Variants in SRCIN1 observed in about 807,000 individuals in gnomAD.
SRCIN1 encodes the protein P130Cas-associated protein.
Under a neutral mutation model 116.2 loss-of-function variants are expected in SRCIN1, and 50 were observed. That is an observed-to-expected ratio of 0.43 (90% confidence interval 0.34 to 0.54). SRCIN1 has a LOEUF of 0.54. SRCIN1 is among the 20% of genes least tolerant of loss of function. SRCIN1 has a pLI of 0.02. For missense variants in SRCIN1, 1,446 were observed against 1,672.0 expected (o/e 0.86, Z 2.36); for synonymous variants, 736 against 750.0 (o/e 0.98, Z 0.30).
intron 17 of SRCIN1, among the ~76,000 whole-genome samples, chr17:38,546,957 C>T (rs1905112598): frequency 6.6e-6 from 1 of 152,180 alleles, no homozygotes; most frequent in African/African-American, 2.4e-5. Context: ...GAGAGAGATT[C>T]CCAGACCTTC....
At chr17:38,539,372 G>A (rs1199665318) in intron 18 of SRCIN1, among the ~76,000 whole-genome samples, 1 of 152,208 alleles carries the variant, frequency 6.6e-6, no homozygotes, top group African/African-American at 2.4e-5. Flanking sequence ...ACAGGCGTGA[G>A]CCACTGCCCC....
chr17:38,566,866 T>TTTCGTTTCCTTCC (rs1555609840), intron 3 of SRCIN1, among the ~76,000 whole-genome samples: 9 of 132,010 alleles, frequency 6.8e-5, no homozygotes, highest in African/African-American at 2.7e-4. Flanking sequence ...TTTTGTTTCG[T>TTTCGTTTCCTTCC]TTCCTTCCTT....
At chr17:38,548,515 G>T (rs752021260) in intron 17 of SRCIN1, 42 bp downstream of exon 17, 1 of 1,602,268 alleles carries the variant, frequency 6.2e-7, no homozygotes, top group South Asian at 1.1e-5. Context: ...GAGGGAAGGG[G>T]GCCTGGCTGA....
intron 18 of SRCIN1, among the ~76,000 whole-genome samples, chr17:38,533,925 G>A (rs541043155): frequency 6.6e-6 from 1 of 152,018 alleles, no homozygotes; most frequent in South Asian, 2.1e-4. Flanking sequence ...ACAGAGGAGG[G>A]GGCTTATCCT....
intron 2 of SRCIN1, among the ~76,000 whole-genome samples, chr17:38,574,369 TG>T (rs1356918608): frequency 6.6e-6 from 1 of 152,198 alleles, no homozygotes; most frequent in Non-Finnish European, 1.5e-5. Flanking sequence ...TCAGAATAGA[TG>T]GCTTGATGCC....
intron 3 of SRCIN1, among the ~76,000 whole-genome samples, 162 bp from the exon 4 acceptor site, chr17:38,564,475 G>T (rs953457994): frequency 6.6e-6 from 1 of 151,888 alleles, no homozygotes; most frequent in Non-Finnish European, 1.5e-5. Context: ...ATGGCCACAA[G>T]AGAGTTCCCC....
chr17:38,540,544 G>A (rs1320510998), intron 18 of SRCIN1, among the ~76,000 whole-genome samples: 1 of 152,198 alleles, frequency 6.6e-6, no homozygotes, highest in Non-Finnish European at 1.5e-5. Flanking sequence ...TGAGAAGACA[G>A]AGGGCTTTGA....
chr17:38,560,346 G>A lies in SRCIN1; in HGVS notation c.1780C>T (p.Pro594Ser). 6.2e-7 allele frequency: 1 copy of A among 1,610,212 alleles called. No individual in the cohort carries two copies. Among genetic ancestry groups the A allele is most frequent in the South Asian group, 1.1e-5 (1 of 89,972 alleles). ...VQSALLRGSE[P>S]ETPSEKIEGS... ...GAGGGGCCTCACCTGGGGGTCTCAG[G>A]CTCAGAGCCTCGCAGTAAGGCGCTC... The change falls in exon 8 of 19, where the codon CCT becomes TCT. Residue 594 changes from proline (P) to serine (S), a missense_variant. Coordinates refer to ENST00000617146, the MANE Select transcript of SRCIN1 (RefSeq NM_025248.3).
chr17:38,537,007 A>G (rs751764188), intron 18 of SRCIN1, among the ~76,000 whole-genome samples: 1 of 149,776 alleles, frequency 6.7e-6, no homozygotes, highest in Non-Finnish European at 1.5e-5. Context: ...TGAAACGCCA[A>G]CTCTACCAAA....
chr17:38,559,262 T>C, intron 10 of SRCIN1: 1 of 477,676 alleles, frequency 2.1e-6, no homozygotes, highest in South Asian at 2.8e-5. Context: ...CCCCGAGGGA[T>C]ACTGACGACG....
Position 38,563,073 on chromosome 17 carries a change from C to T in SRCIN1, c.741-153G>A, listed in dbSNP as rs1040593260. 6.6e-6 allele frequency among the ~76,000 whole-genome samples: 1 copy of T among 152,220 alleles called. No individual in the cohort carries two copies. The highest frequency in any genetic ancestry group is 1.5e-5 in the Non-Finnish European group (1 of 68,034). On this transcript the variant is annotated intron_variant, in intron 5 of 18. Transcript: ENST00000617146. The surrounding 1 kb of genome is among the most constrained non-coding windows in gnomAD (Gnocchi z 5.8). ...GCACACACGCCCAGCAGCCTCCACC[C>T]CGGCCTCTTCCTGGCCTCCGGCGCC...
At position 38,560,396 on chromosome 17, in the gene SRCIN1, A is replaced by G. The variant is rs759246854; in HGVS notation, c.1730T>C (p.Ile577Thr). ...RERMEAMEKQ[I>T]ASLTGLVQSA... ...CTGCACCAGGCCTGTGAGGCTGGCA[A>G]TCTGCTTCTCCATGGCCTCCATGCG... Residue 577 changes from isoleucine to threonine, a missense_variant, in exon 8 of 19, where the codon ATT (isoleucine) becomes ACT (threonine). This residue lies in a region of SRCIN1 where 398 missense variants were observed against 385.6 expected (regional missense o/e 1.03). Coordinates refer to ENST00000617146, the MANE Select transcript of SRCIN1 (RefSeq NM_025248.3). 1 of 1,612,110 alleles carries G rather than the reference A, an allele frequency of 6.2e-7. No individual in the cohort carries two copies. Among genetic ancestry groups the G allele is most frequent in the Non-Finnish European group, 8.5e-7 (1 of 1,179,178 alleles).
chr17:38,551,096 C>A (rs1267913568), intron 15 of SRCIN1, 59 bp downstream of exon 15: 3 of 720,174 alleles, frequency 4.2e-6, no homozygotes, highest in South Asian at 2.0e-5. Context: ...TCAGCCTGGG[C>A]TCCTGAGGAG....
At chr17:38,601,656 T>TCA (rs1555613417) in intron 1 of SRCIN1, among the ~76,000 whole-genome samples, 2 of 136,092 alleles carry the variant, frequency 1.5e-5, no homozygotes, top group East Asian at 4.4e-4. Flanking sequence ...ACACACACGC[T>TCA]CGCGCGCACA....
intron 1 of SRCIN1, among the ~76,000 whole-genome samples, chr17:38,583,807 C>A (rs1282313209): frequency 1.3e-5 from 2 of 152,186 alleles, no homozygotes; most frequent in African/African-American, 4.8e-5. Flanking sequence ...CCCGCCTCGG[C>A]CTCCCAAAGT....
At position 38,563,569 on chromosome 17, in the gene SRCIN1, C is replaced by G; in HGVS notation, c.542-48G>C. 1 of 1,538,626 alleles carries G rather than the reference C, an allele frequency of 6.5e-7. No individual in the cohort carries two copies. The highest frequency in any genetic ancestry group is 8.7e-7 in the Non-Finnish European group (1 of 1,146,016). The stretch of plus-strand genomic sequence containing the variant: ...GCTGTCACTGCTGCCGTCTCCACGC[C>G]GCCCTCCAGGAGAGCGCGGGGAGCT... On this transcript the variant is annotated intron_variant, in intron 4 of 18. Coordinates refer to ENST00000617146, the MANE Select transcript of SRCIN1 (RefSeq NM_025248.3). This position sits in a 1 kb window ranked among gnomAD's most constrained non-coding sequence, Gnocchi z 5.8.
At chr17:38,547,676 G>A (rs1331403943) in intron 17 of SRCIN1, 5 of 262,992 alleles carry the variant, frequency 1.9e-5, no homozygotes, top group South Asian at 9.0e-5. Context: ...GCGTTTTAGC[G>A]GGTTAGCGTG....
chr17:38,561,667 G>A lies in SRCIN1; in HGVS notation c.1496C>T (p.Pro499Leu). 2 of 1,559,570 alleles carry A rather than the reference G, an allele frequency of 1.3e-6. No homozygotes were observed. Among genetic ancestry groups the A allele is most frequent in the South Asian group, 2.3e-5 (2 of 85,442 alleles). Residue 499 changes from proline to leucine, a missense_variant, in exon 7 of 19, where the codon CCC (proline) becomes CTC (leucine). Pro to Leu is a moderately conservative substitution (Grantham distance 98). Coordinates refer to ENST00000617146, the MANE Select transcript of SRCIN1 (RefSeq NM_025248.3). ...PPPHSPYSGPPSRGSPVRQSF... is the reference protein window; with the variant it reads ...PPPHSPYSGPLSRGSPVRQSF... ...CTGGCGCACTGGCGAGCCGCGGCTGGGCGGCCCCGAGTAGGGGCTGTGCGG... is the reference window on the plus strand; with the variant it reads ...CTGGCGCACTGGCGAGCCGCGGCTGAGCGGCCCCGAGTAGGGGCTGTGCGG...
chr17:38,576,592 C>A (rs761606246), intron 2 of SRCIN1, among the ~76,000 whole-genome samples: 17 of 152,086 alleles, frequency 1.1e-4, no homozygotes, highest in Non-Finnish European at 2.5e-4. Context: ...TCTCTGGAGT[C>A]CTGAGTGGTG....
Sources: gnomAD v4.1 joint callset for allele counts (sites outside exome capture counted in the v4.1 genomes callset) on GRCh38, gnomAD v4.1.1 for gene constraint, gnomAD v4.1.1 regional missense constraint, Gnocchi (gnomAD v3.1) non-coding constraint, MANE v1.5 for transcripts, NCBI Gene and HGNC (gene_info 2026-07-23, HGNC 2026-07-21) for gene names.